The following LMCD1 variants were observed in gnomAD, a reference collection of about 807,000 sequenced individuals.
LMCD1 encodes LIM and cysteine-rich domains protein 1.
Under a neutral mutation model 42.7 loss-of-function variants are expected in LMCD1, and 32 were observed. That is an observed-to-expected ratio of 0.75 (90% CI 0.57 to 1.01). LMCD1 has a LOEUF of 1.01. Among genes scored for constraint, LMCD1 ranks in the 50% least tolerant of loss-of-function variants. The probability of loss-of-function intolerance (pLI) is 0.00; values close to 1 mark genes in which losing one functional copy is unlikely to be tolerated. For synonymous variants in LMCD1, 178 were observed against 184.9 expected, an observed-to-expected ratio of 0.96 and a Z score of 0.30; for missense variants, 458 against 483.1, an observed-to-expected ratio of 0.95 and a Z score of 0.49.
intron 4 of LMCD1, chr3:8,549,925 A>ATTAATCCACTTATGGC: frequency 3.6e-6 from 3 of 837,506 alleles, no homozygotes; most frequent in Non-Finnish European, 5.9e-6. Context: ...CCATAAGTGG[A>ATTAATCCACTTATGGC]TTAATCCATT....
At chr3:8,523,072 T>C (rs1574952827) in intron 1 of LMCD1, among the ~76,000 whole-genome samples, 1 of 152,216 alleles carries the variant, frequency 6.6e-6, no homozygotes, top group East Asian at 1.9e-4. Flanking sequence ...TATCCACCAA[T>C]TGTGTTCTCA....
chr3:8,521,987 A>G (rs75056560), intron 1 of LMCD1, among the ~76,000 whole-genome samples: 7,044 of 152,188 alleles, frequency 0.046, 286 homozygotes, highest in African/African-American at 0.1. Flanking sequence ...ACCCCTCAAA[A>G]GGAAGCACAG....
At chr3:8,502,362 T>TTATATAAAATATATATTATATATTA (rs2125005953) in intron 1 of LMCD1, among the ~76,000 whole-genome samples, 1 of 70,052 alleles carries the variant, frequency 1.4e-5, no homozygotes. Context: ...ATAATATATA[T>TTATATAAAATATATATTATATATTA]TATATAAAAT....
At chr3:8,555,574 G>A (rs1412825838) in intron 4 of LMCD1, among the ~76,000 whole-genome samples, 1 of 152,188 alleles carries the variant, frequency 6.6e-6, no homozygotes, top group Non-Finnish European at 1.5e-5. Context: ...CTCGGCATCT[G>A]CCTGCCTCTT....
At chr3:8,519,175 T>C (rs1356349263) in intron 1 of LMCD1, among the ~76,000 whole-genome samples, 4 of 152,196 alleles carry the variant, frequency 2.6e-5, no homozygotes, top group African/African-American at 7.2e-5. Context: ...AGGAGTTATA[T>C]ACATAATTAA....
intron 1 of LMCD1, among the ~76,000 whole-genome samples, chr3:8,522,018 T>G (rs1420321012): frequency 6.6e-6 from 1 of 152,104 alleles, no homozygotes; most frequent in Non-Finnish European, 1.5e-5. Context: ...ACTTACTTCT[T>G]TCATGGCCCA....
At chr3:8,542,439 A>G (rs1200791438) in intron 3 of LMCD1, among the ~76,000 whole-genome samples, 1 of 152,108 alleles carries the variant, frequency 6.6e-6, no homozygotes, top group Non-Finnish European at 1.5e-5. Context: ...GTGAAAGGAC[A>G]CCGTGAACGC....
chr3:8,568,680 T>C lies in LMCD1; in HGVS notation c.*1082T>C, dbSNP rs1182445728. 3 of 152,244 alleles carry C rather than the reference T, an allele frequency of 2.0e-5. No individual in the cohort carries two copies. Among genetic ancestry groups the C allele is most frequent in the Non-Finnish European group, 2.9e-5 (2 of 68,042 alleles). 9.4% of individuals were successfully genotyped at this position (152,244 alleles called of 1,614,324 possible). A position where few individuals can be genotyped will look rare whatever the true frequency, so the allele number is the denominator to read the frequency against. ...TAAACATTGAATGAGTCACGTAGAA[T>C]AGGTCTTTGGGCCAAATTGTATCTC... On this transcript the variant is annotated 3_prime_UTR_variant, in exon 6 of 6. Transcript: ENST00000157600.
chr3:8,531,391 A>G (rs747802276), intron 1 of LMCD1, among the ~76,000 whole-genome samples: 5 of 152,164 alleles, frequency 3.3e-5, no homozygotes, highest in Non-Finnish European at 7.3e-5. Context: ...CATATTTCCC[A>G]TATGAATTTA....
chr3:8,506,730 T>C (rs1693889000), intron 1 of LMCD1, among the ~76,000 whole-genome samples: 1 of 152,220 alleles, frequency 6.6e-6, no homozygotes, highest in African/African-American at 2.4e-5. Flanking sequence ...AAATCTTTAT[T>C]TTAAGAACAG....
rs753719523 is a variant in LMCD1, at chr3:8,564,863, A to G, written c.724-569A>G. 2.6e-5 allele frequency among the ~76,000 whole-genome samples: 4 copies of G among 152,246 alleles called. No individual in the cohort carries two copies. The South Asian group carries it at 8.3e-4, about 32-fold the overall frequency. On this transcript the variant is annotated intron_variant, in intron 4 of 5. Transcript: ENST00000157600. ...CAGATTTTCTTCATGTATTTCAACC[A>G]AAACAACAGCATGCAAAAGATGGGC...
intron 1 of LMCD1, 61 bp downstream of exon 1, chr3:8,502,041 C>G: frequency 6.7e-7 from 1 of 1,499,084 alleles, no homozygotes; most frequent in Non-Finnish European, 9.1e-7. Flanking sequence ...CCCTTCCCAT[C>G]TGTTCGCGGA....
chr3:8,532,724 G>A lies in LMCD1; in HGVS notation c.43-13G>A. 3 of 1,612,984 alleles carry A rather than the reference G, an allele frequency of 1.9e-6. No homozygotes were observed. Among genetic ancestry groups the A allele is most frequent in the Non-Finnish European group, 2.5e-6 (3 of 1,179,114 alleles). ...TTGGAAGGAAAACACCCTCTTTTCT[G>A]TTCCTTTTCCAGATGTCCCTGGGCC... is the stretch of plus-strand genomic sequence containing the variant. On this transcript the variant is annotated splice_polypyrimidine_tract_variant and intron_variant, in intron 1 of 5. Coordinates refer to ENST00000157600, the MANE Select transcript of LMCD1 (RefSeq NM_014583.4).
intron 4 of LMCD1, chr3:8,549,910 T>G: frequency 1.3e-6 from 1 of 796,312 alleles, no homozygotes; most frequent in South Asian, 1.4e-5. Flanking sequence ...CATTAATCTA[T>G]TAAGCCATAA....
At chr3:8,563,382 G>A (rs1290419913) in intron 4 of LMCD1, among the ~76,000 whole-genome samples, 1 of 152,192 alleles carries the variant, frequency 6.6e-6, no homozygotes, top group Non-Finnish European at 1.5e-5. Context: ...GAACAGCAAC[G>A]GCAAAGGCCT....
intron 1 of LMCD1, chr3:8,514,853 G>T: frequency 2.3e-6 from 1 of 442,238 alleles, no homozygotes; most frequent in East Asian, 7.1e-5. Context: ...TATAAGAAGA[G>T]GTGTTTATTG....
chr3:8,526,751 T>G (rs1228486173), intron 1 of LMCD1, among the ~76,000 whole-genome samples: 1 of 152,082 alleles, frequency 6.6e-6, no homozygotes, highest in Non-Finnish European at 1.5e-5. Context: ...CCTTGTAGAG[T>G]TGTTGTAAGA....
At position 8,565,673 on chromosome 3, in the gene LMCD1, A is replaced by G. The variant is rs140392027; in HGVS notation, c.939+26A>G. On this transcript the variant is annotated intron_variant, in intron 5 of 5. Transcript: ENST00000157600. ...GTGGGAGATAGCCGCGAGATGGGTT[A>G]GGGGGCTTGAGGGACACTGCTGAGG... is the stretch of plus-strand genomic sequence containing the variant. 438 of 1,548,554 alleles carry G rather than the reference A, an allele frequency of 2.8e-4. 1 individual carries two copies. Among genetic ancestry groups the G allele is most frequent in the Admixed American group, 1.4e-3 (70 of 51,636 alleles).
At chr3:8,541,772 C>T (rs534224062) in intron 3 of LMCD1, among the ~76,000 whole-genome samples, 2 of 152,254 alleles carry the variant, frequency 1.3e-5, no homozygotes, top group African/African-American at 4.8e-5. Flanking sequence ...GTCGTTGACT[C>T]CGGCCCAAAC....
Sources: allele counts gnomAD v4.1 joint callset (sites outside exome capture counted in the v4.1 genomes callset), GRCh38; gene constraint gnomAD v4.1.1; transcripts MANE v1.5; gene names NCBI Gene and HGNC (gene_info 2026-07-23, HGNC 2026-07-21).